Variants in PCDHA3 observed in about 807,000 individuals in gnomAD.
PCDHA3 encodes protocadherin alpha 3, also known as protocadherin alpha-3.
PCDHA3 carries 41 observed loss-of-function variants against 62.2 expected under a neutral mutation model. That is an observed-to-expected ratio of 0.66 (90% confidence interval 0.51 to 0.86). The LOEUF is 0.86. PCDHA3 is among the 40% of genes least tolerant of loss of function. PCDHA3 has a pLI of 0.00. For synonymous variants in PCDHA3, 640 were observed against 555.4 expected (o/e 1.15, Z -2.14); for missense variants, 1,304 against 1,241.2 (o/e 1.05, Z -0.76).
chr5:140,941,185 C>CTTTTT (rs782102770), intron 1 of PCDHA3, among the ~76,000 whole-genome samples: 1 of 102,242 alleles, frequency 9.8e-6, no homozygotes, highest in African/African-American at 3.6e-5. Context: ...CATCCTGCTT[C>CTTTTT]TTTTTTTTTC....
intron 1 of PCDHA3, chr5:140,876,688 T>A (rs1382110439): frequency 2.5e-6 from 4 of 1,614,172 alleles, no homozygotes; most frequent in Non-Finnish European, 3.4e-6. Context: ...GAATTACTAC[T>A]CGTTGGTGCT....
At chr5:140,961,176 C>A (rs782677581) in intron 1 of PCDHA3, among the ~76,000 whole-genome samples, 16 of 152,182 alleles carry the variant, frequency 1.1e-4, no homozygotes, top group Admixed American at 2.0e-4. Context: ...ACCTTATGTA[C>A]TCCTCACAGG....
chr5:140,936,760 T>G (rs2091134702), intron 1 of PCDHA3, among the ~76,000 whole-genome samples: 1 of 152,220 alleles, frequency 6.6e-6, no homozygotes, highest in African/African-American at 2.4e-5. Context: ...TGATATCTAA[T>G]TGTGTAAGTT....
intron 1 of PCDHA3, chr5:140,809,469 G>C (rs1655310932): frequency 6.2e-7 from 1 of 1,614,250 alleles, no homozygotes; most frequent in Non-Finnish European, 8.5e-7. Flanking sequence ...GTGTGCTCTG[G>C]TGAGGGCCCA....
chr5:140,854,841 T>C (rs2043239245), intron 1 of PCDHA3, among the ~76,000 whole-genome samples: 1 of 149,832 alleles, frequency 6.7e-6, no homozygotes, highest in South Asian at 2.1e-4. Context: ...TTCACTGACA[T>C]TGATAAAATT....
At chr5:140,958,515 A>G (rs1217324801) in intron 1 of PCDHA3, among the ~76,000 whole-genome samples, 1 of 152,150 alleles carries the variant, frequency 6.6e-6, no homozygotes, top group Non-Finnish European at 1.5e-5. Flanking sequence ...TGGCTGTCCA[A>G]TATATACTAT....
intron 3 of PCDHA3, among the ~76,000 whole-genome samples, chr5:141,005,795 C>G (rs2098239997): frequency 8.0e-6 from 1 of 124,778 alleles, no homozygotes; most frequent in Admixed American, 8.1e-5. Context: ...GAGGCAAAAA[C>G]AACTCCAAGG....
At chr5:140,825,834 A>G (rs1018722361) in intron 1 of PCDHA3, 1 of 152,430 alleles carries the variant, frequency 6.6e-6, no homozygotes, top group Non-Finnish European at 1.5e-5. Context: ...TAAAAAAATA[A>G]ATATACCATG....
chr5:140,888,494 T>C (rs1554183489), intron 1 of PCDHA3, among the ~76,000 whole-genome samples: 1 of 152,236 alleles, frequency 6.6e-6, no homozygotes, highest in Non-Finnish European at 1.5e-5. Context: ...GAAACTCTGC[T>C]TTAAAGAGTC....
chr5:140,840,577 G>T lies in PCDHA3; in HGVS notation c.2394+36986G>T, dbSNP rs185474153. ...TACTGCTAGAGTTTGGCATGTCAGA[G>T]AAATCATAAAGGAAAATGTTTTAAG... On this transcript the variant is annotated intron_variant, in intron 1 of 3. Coordinates refer to ENST00000522353, the MANE Select transcript of PCDHA3 (RefSeq NM_018906.3). Among the ~76,000 whole-genome samples, 160 of 152,084 alleles carry T rather than the reference G, an allele frequency of 1.1e-3. 2 individuals are homozygous for T. Among genetic ancestry groups the T allele is most frequent in the African/African-American group, 3.7e-3 (153 of 41,446 alleles).
chr5:140,995,526 A>G (rs1241973159), intron 3 of PCDHA3, among the ~76,000 whole-genome samples: 1 of 152,244 alleles, frequency 6.6e-6, no homozygotes, highest in Non-Finnish European at 1.5e-5. Context: ...TCAGAAATCA[A>G]ACCTCAAATA....
intron 1 of PCDHA3, chr5:140,928,983 G>T: frequency 6.2e-7 from 1 of 1,613,838 alleles, no homozygotes; most frequent in Non-Finnish European, 8.5e-7. Flanking sequence ...TATTTCTGGG[G>T]TGCTTACTTT....
intron 1 of PCDHA3, among the ~76,000 whole-genome samples, chr5:140,950,903 T>C (rs2094530592): frequency 6.6e-6 from 1 of 152,024 alleles, no homozygotes; most frequent in South Asian, 2.1e-4. Context: ...TTTATTTTAT[T>C]TTTATTTTAT....
chr5:140,996,196 A>G (rs2097716509), intron 3 of PCDHA3, among the ~76,000 whole-genome samples: 2 of 152,216 alleles, frequency 1.3e-5, no homozygotes, highest in South Asian at 2.1e-4. Context: ...TATACCCTCA[A>G]TGCAAGGATA....
At chr5:140,836,137 T>C (rs1774231095) in intron 1 of PCDHA3, 1 of 1,613,594 alleles carries the variant, frequency 6.2e-7, no homozygotes, top group South Asian at 1.1e-5. Context: ...CCGCGGTCTG[T>C]GGGCGCGGGC....
Position 140,848,453 on chromosome 5 carries a change from T to C in PCDHA3, c.2394+44862T>C. On this transcript the variant is annotated intron_variant, in intron 1 of 3. Transcript: ENST00000522353. ...CGAAATCAGATGATTTCTTCTAATT[T>C]GGAGGCAATTTTCACTAATTAGAAG... is the stretch of plus-strand genomic sequence containing the variant. 2.0e-6 allele frequency: 3 copies of C among 1,519,952 alleles called. 1 individual carries two copies. Among genetic ancestry groups the C allele is most frequent in the Non-Finnish European group, 2.7e-6 (3 of 1,116,942 alleles). The allele number at this position is 1,519,952 out of a possible 1,614,324, so 94.2% of individuals were successfully genotyped here. A position where few individuals can be genotyped will look rare whatever the true frequency, so the allele number is the denominator to read the frequency against.
At chr5:140,843,169 C>T in intron 1 of PCDHA3, 1 of 1,596,092 alleles carries the variant, frequency 6.3e-7, no homozygotes, top group Non-Finnish European at 8.6e-7. Flanking sequence ...CAGCTGCAAG[C>T]AGCCCTCGCA....
chr5:140,867,042 G>A (rs782113838), intron 1 of PCDHA3: 4 of 152,084 alleles, frequency 2.6e-5, no homozygotes, highest in Non-Finnish European at 4.4e-5. Flanking sequence ...ATGACTTGGC[G>A]TTTGTTCAGT....
chr5:140,960,308 C>A (rs1387326739), intron 1 of PCDHA3, among the ~76,000 whole-genome samples: 1 of 152,122 alleles, frequency 6.6e-6, no homozygotes, highest in African/African-American at 2.4e-5. Flanking sequence ...CAATACCAAC[C>A]TCATTAGGGT....
Sources: allele counts gnomAD v4.1 joint callset (sites outside exome capture counted in the v4.1 genomes callset), GRCh38; gene constraint gnomAD v4.1.1; transcripts MANE v1.5; gene names NCBI Gene and HGNC (gene_info 2026-07-23, HGNC 2026-07-21).